PAQR3: variants seen among roughly 807,000 people sequenced by gnomAD.
PAQR3 encodes the protein progestin and adipoQ receptor family member 3.
PAQR3 carries 39 observed loss-of-function variants against 41.7 expected under a neutral mutation model. That is an observed-to-expected ratio of 0.93 (90% CI 0.72 to 1.22). The LOEUF is 1.22. Among genes scored for constraint, PAQR3 ranks in the 50% most tolerant of loss-of-function variants. The pLI, the probability that PAQR3 is intolerant of heterozygous loss-of-function variation, is 0.00. For missense variants in PAQR3, 366 were observed against 385.6 expected, an observed-to-expected ratio of 0.95 and a Z score of 0.42; for synonymous variants, 140 against 140.6, an observed-to-expected ratio of 1.00 and a Z score of 0.03.
rs1313976510 is a variant in PAQR3 at position 78,935,382 on chromosome 4, TC to T, written c.186-100del. On this transcript the variant is annotated intron_variant, in intron 1 of 5. Transcript: ENST00000512733. ...TTTTGAGGAGTTACCTAATACTTGC[TC>T]CTTTAAGCTCTTACCCCACCTGTAC... The T allele has an allele frequency of 6.5e-6, 6 of 929,670 alleles. No homozygotes were observed. The African/African-American group carries it at 1.0e-4, about 16-fold the overall frequency. The allele number at this position is 929,670 out of a possible 1,614,324, so 57.6% of individuals were successfully genotyped here.
At chr4:78,894,421 C>T (rs546260994) in intron 11 of PAQR3, among the ~76,000 whole-genome samples, 3 of 152,316 alleles carry the variant, frequency 2.0e-5, no homozygotes, top group Admixed American at 1.3e-4. Flanking sequence ...CCTGCGTTAC[C>T]TGTACTTACA....
At chr4:78,897,916 A>T (rs1733787691) in intron 11 of PAQR3, among the ~76,000 whole-genome samples, 1 of 152,234 alleles carries the variant, frequency 6.6e-6, no homozygotes, top group Admixed American at 6.5e-5. Flanking sequence ...AACTACATGC[A>T]ATTAAGATGC....
At chr4:78,899,473 C>T (rs1211486894) in intron 11 of PAQR3, among the ~76,000 whole-genome samples, 3 of 151,952 alleles carry the variant, frequency 2.0e-5, no homozygotes, top group African/African-American at 7.3e-5. Context: ...GAAATCTTGG[C>T]CATTGGGTTT....
At chr4:78,934,592 C>T (rs907340968) in intron 2 of PAQR3, among the ~76,000 whole-genome samples, 1 of 152,064 alleles carries the variant, frequency 6.6e-6, no homozygotes, top group Non-Finnish European at 1.5e-5. Flanking sequence ...TGCTATGGAA[C>T]TAACAAATAC....
intron 11 of PAQR3, among the ~76,000 whole-genome samples, chr4:78,901,621 T>C (rs2110095559): frequency 6.6e-6 from 1 of 152,286 alleles, no homozygotes; most frequent in East Asian, 1.9e-4. Context: ...TTCATTCCCT[T>C]TCCTGAAACC....
chr4:78,895,114 A>C (rs115038914), intron 11 of PAQR3, among the ~76,000 whole-genome samples: 2,444 of 152,314 alleles, frequency 0.016, 69 homozygotes, highest in African/African-American at 0.056. Flanking sequence ...AAAAAGTTTT[A>C]AATATTGTAA....
intron 5 of PAQR3, among the ~76,000 whole-genome samples, chr4:78,921,262 ATC>A (rs1735631480): frequency 1.3e-5 from 2 of 151,972 alleles, no homozygotes; most frequent in South Asian, 4.1e-4. Flanking sequence ...GAACAATTTA[ATC>A]TCTTTGTGGT....
chr4:78,905,396 A>G (rs928450534), intron 11 of PAQR3, among the ~76,000 whole-genome samples: 1 of 151,958 alleles, frequency 6.6e-6, no homozygotes. Flanking sequence ...TTAGTTAAAG[A>G]AAAAGAAGAA....
chr4:78,919,727 A>G lies in PAQR3; in HGVS notation c.*812T>C, dbSNP rs927512085. ...TGAAAGCTCTGGAATTTTGGGATCAAAAACCTGTAATCCACTCACAAGAAT... is the reference window on the plus strand; with the variant it reads ...TGAAAGCTCTGGAATTTTGGGATCAGAAACCTGTAATCCACTCACAAGAAT... On this transcript the variant is annotated 3_prime_UTR_variant, in exon 6 of 6. Transcript: ENST00000512733. 5.1e-6 allele frequency: 5 copies of G among 984,992 alleles called. No individual in the cohort carries two copies. The highest frequency in any genetic ancestry group is 6.0e-6 in the Non-Finnish European group (5 of 829,736). The allele number at this position is 984,992 out of a possible 1,614,324, so 61.0% of individuals were successfully genotyped here.
intron 3 of PAQR3, 81 bp downstream of exon 3, chr4:78,930,089 T>C: frequency 7.5e-7 from 1 of 1,330,378 alleles, no homozygotes; most frequent in South Asian, 1.4e-5. Context: ...TATGTACTTA[T>C]TCAGAAATTC....
Position 78,935,323 on chromosome 4 carries a change from C to G in PAQR3, c.186-40G>C, listed in dbSNP as rs570860286. Reference sequence around the variant, plus strand: ...CACATGCAACTGAGATTCACATTGGCCAACTTACTGTCACGTTCAAAGGTT... The same window carrying G: ...CACATGCAACTGAGATTCACATTGGGCAACTTACTGTCACGTTCAAAGGTT... On this transcript the variant is annotated intron_variant, in intron 1 of 5. Coordinates refer to ENST00000512733, the MANE Select transcript of PAQR3 (RefSeq NM_001040202.2). 2.7e-5 allele frequency: 43 copies of G among 1,577,700 alleles called. No individual in the cohort carries two copies. In the African/African-American group the frequency reaches 5.6e-4, roughly 20 times the overall value.
chr4:78,930,188 G>A lies in PAQR3; in HGVS notation c.486C>T (p.Tyr162=), dbSNP rs751898477. 91 of 1,609,800 alleles carry A rather than the reference G, an allele frequency of 5.7e-5. No homozygotes were observed. Among genetic ancestry groups the A allele is most frequent in the Admixed American group, 3.6e-4 (21 of 59,086 alleles). Reference sequence around the variant, plus strand: ...TACTTACGTTATTACAATAAAATGCGTAAAATACTCCTGAGACATAGCAGC... The same window carrying A: ...TACTTACGTTATTACAATAAAATGCATAAAATACTCCTGAGACATAGCAGC... The part of the protein sequence containing the change: ...ILGCYVSGVF[Y]AFYCNNYWRQ... Residue 162 remains tyrosine, a synonymous_variant, in exon 3 of 6, where the codon TAC becomes TAT. Coordinates refer to ENST00000512733, the MANE Select transcript of PAQR3 (RefSeq NM_001040202.2).
chr4:78,901,410 G>A (rs1733999942), intron 11 of PAQR3, among the ~76,000 whole-genome samples: 1 of 152,072 alleles, frequency 6.6e-6, no homozygotes, highest in Non-Finnish European at 1.5e-5. Context: ...CTGGCTACTT[G>A]ATAAGAAAAT....
chr4:78,912,555 C>T lies in PAQR3; in HGVS notation c.*7984G>A, dbSNP rs573875290. On this transcript the variant is annotated 3_prime_UTR_variant, in exon 6 of 6. Coordinates refer to ENST00000512733, the MANE Select transcript of PAQR3 (RefSeq NM_001040202.2). ...GAGAGTGCAGAGATTTCAGTCCATA[C>T]ACCTTTCTCCACAAAGCAGAGCCAG... is the stretch of plus-strand genomic sequence containing the variant. The T allele has an allele frequency of 1.3e-5, 2 of 152,520 alleles. No homozygotes were observed. Among genetic ancestry groups the T allele is most frequent in the African/African-American group, 4.8e-5 (2 of 41,544 alleles). 9.4% of individuals were successfully genotyped at this position (152,520 alleles called of 1,614,324 possible).
chr4:78,911,150 C>G (rs1171884193), downstream of PAQR3: 15 of 1,613,890 alleles, frequency 9.3e-6, no homozygotes, highest in African/African-American at 1.3e-5. Flanking sequence ...GCAGTGCGTG[C>G]TCAACAGCCC....
rs1734721164 is a variant in PAQR3, at chr4:78,912,763, A to G, written c.*7776T>C. 1 of 151,814 alleles carries G rather than the reference A, an allele frequency of 6.6e-6. No homozygotes were observed. The highest frequency in any genetic ancestry group is 2.1e-4 in the South Asian group (1 of 4,792). 9.4% of individuals were successfully genotyped at this position (151,814 alleles called of 1,614,324 possible). A position where few individuals can be genotyped will look rare whatever the true frequency, so the allele number is the denominator to read the frequency against. On this transcript the variant is annotated 3_prime_UTR_variant, in exon 6 of 6. Transcript: ENST00000512733. Reference sequence around the variant, plus strand: ...ATATATATAATTTTTGTCAGTTAAAACAAATTAAAAAAATGGACTATCGTC... The same window carrying G: ...ATATATATAATTTTTGTCAGTTAAAGCAAATTAAAAAAATGGACTATCGTC...
chr4:78,891,091 G>C (rs945453848), intron 11 of PAQR3, among the ~76,000 whole-genome samples: 1 of 152,146 alleles, frequency 6.6e-6, no homozygotes, highest in African/African-American at 2.4e-5. Context: ...TCCCTAAACT[G>C]ATACCTGATT....
At chr4:78,930,057 T>C in intron 3 of PAQR3, 113 bp downstream of exon 3, 1 of 1,019,946 alleles carries the variant, frequency 9.8e-7, no homozygotes, top group Non-Finnish European at 1.4e-6. Flanking sequence ...ACGAGACTCT[T>C]CTATTTAGTC....
chr4:78,938,959 G>A (rs1737734230), intron 1 of PAQR3, 81 bp downstream of exon 1: 4 of 1,344,002 alleles, frequency 3.0e-6, no homozygotes, highest in African/African-American at 3.0e-5. Flanking sequence ...GCAGAAAGGC[G>A]GGGAAAGCAG....
Sources: allele counts gnomAD v4.1 joint callset (sites outside exome capture counted in the v4.1 genomes callset), GRCh38; gene constraint gnomAD v4.1.1; transcripts MANE v1.5; gene names NCBI Gene and HGNC (gene_info 2026-07-23, HGNC 2026-07-21).